CEMIP: variants seen among roughly 807,000 people sequenced by gnomAD.
CEMIP encodes the protein cell migration inducing hyaluronidase 1.
In CEMIP, 105 loss-of-function variants were observed where a neutral mutation model predicts 156.9. The ratio of observed to expected loss-of-function variants is 0.67; its 90% CI spans 0.57 to 0.79. The LOEUF (loss-of-function observed/expected upper bound fraction) is 0.79. CEMIP is among the 30% of genes least tolerant of loss of function. CEMIP has a pLI of 0.00. For missense variants in CEMIP, 1,457 were observed against 1,769.4 expected, an observed-to-expected ratio of 0.82 and a Z score of 3.17; for synonymous variants, 676 against 668.4, an observed-to-expected ratio of 1.01 and a Z score of -0.17.
chr15:80,848,778 G>A (rs1043356795), intron 1 of CEMIP, among the ~76,000 whole-genome samples: 4 of 152,182 alleles, frequency 2.6e-5, no homozygotes, highest in African/African-American at 9.6e-5. Flanking sequence ...GTGGGGTGCA[G>A]CTGCCCAAGA....
At chr15:80,879,138 CATTG>C (rs2141823219) in intron 4 of CEMIP, among the ~76,000 whole-genome samples, 1 of 152,288 alleles carries the variant, frequency 6.6e-6, no homozygotes, top group African/African-American at 2.4e-5. Context: ...GAGGCCTGGT[CATTG>C]AATGCAGTAC....
intron 3 of CEMIP, among the ~76,000 whole-genome samples, chr15:80,877,153 A>G (rs1423933148): frequency 6.6e-6 from 1 of 152,180 alleles, no homozygotes; most frequent in East Asian, 1.9e-4. Flanking sequence ...TGATTCAATT[A>G]TATCCCACTG....
chr15:80,815,561 C>T (rs79026381), intron 1 of CEMIP, among the ~76,000 whole-genome samples: 1 of 68,656 alleles, frequency 1.5e-5, no homozygotes, highest in Admixed American at 1.5e-4. Flanking sequence ...TCCTACCTCC[C>T]TTCTTTCTTT....
chr15:80,869,625 G>A (rs1036336349), intron 1 of CEMIP, among the ~76,000 whole-genome samples: 1 of 152,194 alleles, frequency 6.6e-6, no homozygotes, highest in African/African-American at 2.4e-5. Flanking sequence ...CCATTTGGGA[G>A]TATAGTTCCT....
intron 3 of CEMIP, among the ~76,000 whole-genome samples, chr15:80,876,162 G>A (rs7164719): frequency 0.59 from 90,178 of 152,076 alleles, 27,538 homozygotes; most frequent in African/African-American, 0.7. Flanking sequence ...TATGTTCCCC[G>A]CGTGGCTGGG....
chr15:80,828,086 T>C (rs1897078118), intron 1 of CEMIP, among the ~76,000 whole-genome samples: 1 of 152,184 alleles, frequency 6.6e-6, no homozygotes, highest in Admixed American at 6.5e-5. Flanking sequence ...CCAAGACTTC[T>C]TAAGAATGCA....
chr15:80,858,581 T>A (rs1897909629), intron 1 of CEMIP, among the ~76,000 whole-genome samples: 1 of 149,688 alleles, frequency 6.7e-6, no homozygotes, highest in Admixed American at 6.6e-5. Flanking sequence ...CAAAATTAGC[T>A]GGGTGTGGTG....
rs1053904342 is a variant in CEMIP at position 80,948,942 on chromosome 15, T to C, written c.*18T>C. On this transcript the variant is annotated 3_prime_UTR_variant, in exon 30 of 30. Coordinates refer to ENST00000394685, the MANE Select transcript of CEMIP (RefSeq NM_001293298.2). ...AGTTGTGAGGACAGCTGCCGCCCGG[T>C]GCCACCTCGTGGTAGACTATGACGG... The C allele has an allele frequency of 2.5e-6, 4 of 1,614,114 alleles. No homozygotes were observed. Among genetic ancestry groups the C allele is most frequent in the African/African-American group, 1.3e-5 (1 of 75,060 alleles).
chr15:80,849,732 T>A (rs1360288801), intron 1 of CEMIP, among the ~76,000 whole-genome samples: 1 of 152,188 alleles, frequency 6.6e-6, no homozygotes. Context: ...CAAATTGATG[T>A]TATCAGGGAG....
At chr15:80,850,944 G>A (rs1008332687) in intron 1 of CEMIP, among the ~76,000 whole-genome samples, 5 of 152,202 alleles carry the variant, frequency 3.3e-5, no homozygotes, top group Non-Finnish European at 7.3e-5. Flanking sequence ...GTGCCAACAG[G>A]GAACAGGGCA....
chr15:80,865,453 T>A (rs955401046), intron 1 of CEMIP, among the ~76,000 whole-genome samples: 1 of 152,210 alleles, frequency 6.6e-6, no homozygotes, highest in African/African-American at 2.4e-5. Flanking sequence ...GTGCTGGGAT[T>A]ATAGGCGTGA....
At chr15:80,915,079 A>G (rs1248656920) in intron 14 of CEMIP, among the ~76,000 whole-genome samples, 1 of 152,186 alleles carries the variant, frequency 6.6e-6, no homozygotes, top group Admixed American at 6.5e-5. Context: ...TTAGTGCCAG[A>G]TCTGAAAAAT....
In CEMIP at chr15:80,937,774, G is replaced by C. The variant is rs1469458753; in HGVS notation, c.3222-20G>C. 1 of 1,613,858 alleles carries C rather than the reference G, an allele frequency of 6.2e-7. No homozygotes were observed. Among genetic ancestry groups the C allele is most frequent in the Admixed American group, 1.7e-5 (1 of 60,028 alleles). On this transcript the variant is annotated intron_variant, in intron 24 of 29. Coordinates refer to ENST00000394685, the MANE Select transcript of CEMIP (RefSeq NM_001293298.2). Reference sequence around the variant, plus strand: ...GCCTGGACACCCTTGCTTGTAACCTGACTCTACTTCCAATCCTAGGGGCGA... The same window carrying C: ...GCCTGGACACCCTTGCTTGTAACCTCACTCTACTTCCAATCCTAGGGGCGA...
At chr15:80,927,018 AC>A (rs990749876) in intron 19 of CEMIP, among the ~76,000 whole-genome samples, 4 of 152,078 alleles carry the variant, frequency 2.6e-5, no homozygotes, top group African/African-American at 9.7e-5. Context: ...TTCAGTAGAG[AC>A]GGGGTTTCAC....
At chr15:80,945,284 T>C (rs1901503762) in intron 28 of CEMIP, among the ~76,000 whole-genome samples, 1 of 151,908 alleles carries the variant, frequency 6.6e-6, no homozygotes, top group Non-Finnish European at 1.5e-5. Context: ...TGGGCATCAG[T>C]GGGAAGGGGT....
intron 10 of CEMIP, among the ~76,000 whole-genome samples, chr15:80,894,719 C>T (rs955401595): frequency 2.0e-5 from 3 of 152,168 alleles, no homozygotes; most frequent in African/African-American, 7.2e-5. Flanking sequence ...GTAAAATGTT[C>T]ACCCAGCCAT....
chr15:80,807,984 TG>T (rs1364111279), intron 1 of CEMIP, among the ~76,000 whole-genome samples: 25 of 152,324 alleles, frequency 1.6e-4, no homozygotes, highest in African/African-American at 6.0e-4. Context: ...CTTCCCTCTC[TG>T]TGTCTCCTCT....
intron 10 of CEMIP, among the ~76,000 whole-genome samples, chr15:80,891,789 T>C (rs1003725242): frequency 6.6e-6 from 1 of 152,218 alleles, no homozygotes. Context: ...CTTTAATCAA[T>C]GGTCATCTCC....
At chr15:80,844,817 GGA>G (rs1897514965) in intron 1 of CEMIP, among the ~76,000 whole-genome samples, 3 of 152,218 alleles carry the variant, frequency 2.0e-5, no homozygotes, top group Non-Finnish European at 2.9e-5. Context: ...AGCAGGAGCA[GGA>G]GAGAAGCCAG....
Sources: gnomAD v4.1 joint callset for allele counts (sites outside exome capture counted in the v4.1 genomes callset) on GRCh38, gnomAD v4.1.1 for gene constraint, MANE v1.5 for transcripts, NCBI Gene and HGNC (gene_info 2026-07-23, HGNC 2026-07-21) for gene names.